The following TFDP1 variants were observed in gnomAD, a reference collection of about 807,000 sequenced individuals.
TFDP1 encodes transcription factor Dp-1.
TFDP1 carries 6 observed loss-of-function variants against 48.0 expected under a neutral mutation model. The observed-to-expected ratio is 0.13, with a 90% CI of 0.07 to 0.25. The LOEUF (loss-of-function observed/expected upper bound fraction) is 0.25, where lower values mean the gene tolerates loss of function less well. Among genes scored for constraint, TFDP1 ranks in the 10% least tolerant of loss-of-function variants. The pLI, the probability that TFDP1 is intolerant of heterozygous loss-of-function variation, is 1.00. For synonymous variants in TFDP1, 201 were observed against 211.6 expected, an observed-to-expected ratio of 0.95 and a Z score of 0.44; for missense variants, 335 against 543.0, an observed-to-expected ratio of 0.62 and a Z score of 3.81.
At position 113,623,254 on chromosome 13, in the gene TFDP1, G is replaced by C. The variant is rs758004978; in HGVS notation, c.154G>C (p.Gly52Arg). Reference protein sequence around the residue: ...LGKQLLPKTFGQSNVNIAQQV... With the variant: ...LGKQLLPKTFRQSNVNIAQQV... Reference sequence around the variant, plus strand: ...GAAGCAGCTCTTGCCAAAAACCTTTGGACAGTCCAATGTCAACATTGCCCA... The same window carrying C: ...GAAGCAGCTCTTGCCAAAAACCTTTCGACAGTCCAATGTCAACATTGCCCA... Residue 52 changes from glycine to arginine, a missense_variant, in exon 4 of 12, where the codon GGA becomes CGA. Gly to Arg is a moderately radical substitution (Grantham distance 125, BLOSUM62 -2). This residue lies in a region of TFDP1 where 103 missense variants were observed against 140.4 expected (regional missense o/e 0.73). Coordinates refer to ENST00000375370, the MANE Select transcript of TFDP1 (RefSeq NM_007111.5). This position sits in a 1 kb window ranked among gnomAD's most constrained non-coding sequence, Gnocchi z 5.2. 1.9e-6 allele frequency: 3 copies of C among 1,613,180 alleles called. No individual in the cohort carries two copies. The South Asian group carries it at 3.3e-5, about 18-fold the overall frequency.
chr13:113,631,697 C>T lies in TFDP1; in HGVS notation c.261C>T (p.His87=), dbSNP rs780515109. 2 of 1,614,074 alleles carry T rather than the reference C, an allele frequency of 1.2e-6. No homozygotes were observed. The highest frequency in any genetic ancestry group is 2.7e-5 in the African/African-American group (2 of 74,936). ...VVGSPHTPST[H]FASQNQPSDS... ...GAAGCCCACACACCCCCAGCACTCA[C>T]TTTGCCTCTCAGAACCAGCCTTCCG... Residue 87 remains histidine, a synonymous_variant, in exon 5 of 12, where the codon CAC becomes CAT. Coordinates refer to ENST00000375370, the MANE Select transcript of TFDP1 (RefSeq NM_007111.5).
In TFDP1 at chr13:113,634,515, G is replaced by A; in HGVS notation, c.619-19G>A. On this transcript the variant is annotated intron_variant, in intron 7 of 11. Transcript: ENST00000375370. ...GAACAGTTGTGATGATTCTTCACAT[G>A]GGTGGTTTGTTTTTGAAGGTGGAAA... 1 of 1,608,982 alleles carries A rather than the reference G, an allele frequency of 6.2e-7. No individual in the cohort carries two copies.
At position 113,627,099 on chromosome 13, in the gene TFDP1, A is replaced by G. The variant is rs540365226; in HGVS notation, c.186+3813A>G. 2.6e-5 allele frequency among the ~76,000 whole-genome samples: 4 copies of G among 152,106 alleles called. No individual in the cohort carries two copies. In the South Asian group the frequency reaches 6.2e-4, roughly 24 times the overall value. On this transcript the variant is annotated intron_variant, in intron 4 of 11. Transcript: ENST00000375370. This position sits in a 1 kb window ranked among gnomAD's most constrained non-coding sequence, Gnocchi z 4.1. The stretch of plus-strand genomic sequence containing the variant: ...CTGACAAAGGGCAAATGTTTCTTAA[A>G]CCTTTTTATATACCAGAGGTTTACA...
chr13:113,591,582 TA>T (rs933149313), intron 2 of TFDP1, among the ~76,000 whole-genome samples: 3 of 152,216 alleles, frequency 2.0e-5, no homozygotes, highest in Non-Finnish European at 4.4e-5. Context: ...AGGTGCTCTT[TA>T]GGGGATGTTA....
At chr13:113,617,524 A>G (rs1386244667) in intron 3 of TFDP1, among the ~76,000 whole-genome samples, 1 of 151,720 alleles carries the variant, frequency 6.6e-6, no homozygotes, top group African/African-American at 2.4e-5. Flanking sequence ...CTTCACCTGC[A>G]GAACCATTCA....
chr13:113,585,843 A>G lies in TFDP1; in HGVS notation c.6A>G (p.Ala2=), dbSNP rs1190018230. Residue 2 remains alanine, a synonymous_variant, in exon 2 of 12, where the codon GCA becomes GCG. Coordinates refer to ENST00000375370, the MANE Select transcript of TFDP1 (RefSeq NM_007111.5). ...GATTTCCCGGATCTGGTAACATGGC[A>G]AAAGATGTAAGTATGTTTGCTTCAT... is the stretch of plus-strand genomic sequence containing the variant. The part of the protein sequence containing the change: M[A]KDAGLIEANG... 6.3e-7 allele frequency: 1 copy of G among 1,599,978 alleles called. No individual in the cohort carries two copies. Among genetic ancestry groups the G allele is most frequent in the Non-Finnish European group, 8.6e-7 (1 of 1,168,918 alleles).
intron 2 of TFDP1, among the ~76,000 whole-genome samples, chr13:113,600,360 C>T (rs1340101211): frequency 4.9e-5 from 5 of 102,190 alleles, no homozygotes; most frequent in African/African-American, 2.4e-4. Context: ...ACACATAGGG[C>T]TCCAGGACCG....
At chr13:113,624,283 G>A (rs139498663) in intron 4 of TFDP1, among the ~76,000 whole-genome samples, 1,876 of 152,214 alleles carry the variant, frequency 0.012, 36 homozygotes, top group East Asian at 0.043. Flanking sequence ...GAACCTGTCC[G>A]TTCACTGTCA....
chr13:113,626,094 TTCTCAGGTGTCTCTCACGTGTC>T (rs2049170705), intron 4 of TFDP1, among the ~76,000 whole-genome samples: 10 of 135,476 alleles, frequency 7.4e-5, no homozygotes, highest in African/African-American at 2.8e-4. Context: ...CCTCAGGTGT[TTCTCAGGTGTCTCTCACGTGTC>T]CTCAGGTGTC....
rs117554113 is a variant in TFDP1 at position 113,635,265 on chromosome 13, C to T, written c.687+663C>T. Among the ~76,000 whole-genome samples, 829 of 152,242 alleles carry T rather than the reference C, an allele frequency of 5.4e-3. 5 individuals are homozygous for T. Among genetic ancestry groups the T allele is most frequent in the Middle Eastern group, 0.01 (3 of 294 alleles). ...GCTGCTGCCCTGACCAAGGTGTGCT[C>T]GAGCCCTCCCAGAGGGGACGGTGTG... On this transcript the variant is annotated intron_variant, in intron 8 of 11. Transcript: ENST00000375370.
rs759497172 is a variant in TFDP1, at chr13:113,640,971, A to G, written c.*704A>G. ...AGCTTATTGCCATGCTGGTGCGGCTATGGAGACTGTCTGGAAGGCTTGGAA... is the reference window on the plus strand; with the variant it reads ...AGCTTATTGCCATGCTGGTGCGGCTGTGGAGACTGTCTGGAAGGCTTGGAA... On this transcript the variant is annotated 3_prime_UTR_variant, in exon 12 of 12. Coordinates refer to ENST00000375370, the MANE Select transcript of TFDP1 (RefSeq NM_007111.5). The G allele has an allele frequency of 6.5e-6, 1 of 152,700 alleles. No homozygotes were observed. The highest frequency in any genetic ancestry group is 1.5e-5 in the Non-Finnish European group (1 of 68,116). 9.5% of individuals were successfully genotyped at this position (152,700 alleles called of 1,614,324 possible).
intron 3 of TFDP1, among the ~76,000 whole-genome samples, chr13:113,619,660 C>G (rs1264055930): frequency 1.3e-5 from 2 of 152,072 alleles, no homozygotes; most frequent in African/African-American, 4.8e-5. Flanking sequence ...CCAGGCCCTT[C>G]TGAAGTGCTG....
chr13:113,590,943 G>A (rs1339631660), intron 2 of TFDP1, among the ~76,000 whole-genome samples: 2 of 138,870 alleles, frequency 1.4e-5, no homozygotes, highest in African/African-American at 5.3e-5. Flanking sequence ...TCGGGAGGCG[G>A]AGCTTGCAGT....
At chr13:113,638,638 A>G (rs1269642529) in intron 11 of TFDP1, among the ~76,000 whole-genome samples, 8 of 152,242 alleles carry the variant, frequency 5.3e-5, no homozygotes, top group Admixed American at 3.3e-4. Flanking sequence ...GTATGAATAT[A>G]TATTGTTTCT....
chr13:113,623,295 C>T lies in TFDP1; in HGVS notation c.186+9C>T. 6.2e-7 allele frequency: 1 copy of T among 1,602,756 alleles called. No homozygotes were observed. Among genetic ancestry groups the T allele is most frequent in the Non-Finnish European group, 8.5e-7 (1 of 1,174,652 alleles). Reference sequence around the variant, plus strand: ...ACATTGCCCAGCAAGTGGTAAGCCTCCCGCAGGAGCGGACAGCCGGGATCT... The same window carrying T: ...ACATTGCCCAGCAAGTGGTAAGCCTTCCGCAGGAGCGGACAGCCGGGATCT... On this transcript the variant is annotated intron_variant, in intron 4 of 11. Transcript: ENST00000375370. The surrounding 1 kb of genome is among the most constrained non-coding windows in gnomAD (Gnocchi z 5.2).
intron 3 of TFDP1, among the ~76,000 whole-genome samples, chr13:113,613,844 T>C (rs2048780586): frequency 6.6e-6 from 1 of 151,740 alleles, no homozygotes. Context: ...ATGTGTTGAG[T>C]GTGCATGTGT....
At chr13:113,593,282 G>A (rs532138200) in intron 2 of TFDP1, among the ~76,000 whole-genome samples, 19 of 143,080 alleles carry the variant, frequency 1.3e-4, no homozygotes, top group African/African-American at 4.3e-4. Context: ...ATGCGTGTGG[G>A]TCCTCAGCCC....
Position 113,623,128 on chromosome 13 carries a change from C to G in TFDP1, c.80-52C>G. On this transcript the variant is annotated intron_variant, in intron 3 of 11. Coordinates refer to ENST00000375370, the MANE Select transcript of TFDP1 (RefSeq NM_007111.5). The surrounding 1 kb of genome is among the most constrained non-coding windows in gnomAD (Gnocchi z 5.2). ...TTGCATTTAGAATGGTCGCTTGTAG[C>G]CTTAACTTAGAAAAGGAGTCTCGCC... 6.6e-7 allele frequency: 1 copy of G among 1,515,454 alleles called. No homozygotes were observed. The highest frequency in any genetic ancestry group is 1.4e-5 in the African/African-American group (1 of 72,720). The allele number at this position is 1,515,454 out of a possible 1,614,324, so 93.9% of individuals were successfully genotyped here.
At position 113,598,008 on chromosome 13, in the gene TFDP1, C is replaced by T. The variant is rs140337257; in HGVS notation, c.12+12159C>T. Among the ~76,000 whole-genome samples the T allele has an allele frequency of 4.0e-3, 603 of 152,236 alleles. 7 individuals carry two copies. The highest frequency in any genetic ancestry group is 0.014 in the African/African-American group (567 of 41,544). On this transcript the variant is annotated intron_variant, in intron 2 of 11. Coordinates refer to ENST00000375370, the MANE Select transcript of TFDP1 (RefSeq NM_007111.5). This position sits in a 1 kb window ranked among gnomAD's most constrained non-coding sequence, Gnocchi z 4.2. ...GCTGCTTCCAGGAGGGCTGCAGGCACGAGGTGTTCAAATGCAGCAGTGACT... is the reference window on the plus strand; with the variant it reads ...GCTGCTTCCAGGAGGGCTGCAGGCATGAGGTGTTCAAATGCAGCAGTGACT...
Sources: allele counts gnomAD v4.1 joint callset (sites outside exome capture counted in the v4.1 genomes callset), GRCh38; gene constraint gnomAD v4.1.1; regional missense constraint gnomAD v4.1.1; non-coding constraint Gnocchi (gnomAD v3.1); transcripts MANE v1.5; gene names NCBI Gene and HGNC (gene_info 2026-07-23, HGNC 2026-07-21).